KIF13B: variants seen among roughly 807,000 people sequenced by gnomAD.
KIF13B encodes kinesin family member 13B, also known as kinesin-like protein KIF13B.
A neutral mutation model predicts 222.0 loss-of-function variants in KIF13B; 127 were observed. That is an observed-to-expected ratio of 0.57 (90% CI 0.50 to 0.66). KIF13B has a LOEUF of 0.66. KIF13B is among the 30% of genes least tolerant of loss of function. The pLI, the probability that KIF13B is intolerant of heterozygous loss-of-function variation, is 0.00. For missense variants in KIF13B, 2,173 were observed against 2,379.0 expected (o/e 0.91, Z 1.80); for synonymous variants, 976 against 919.0 (o/e 1.06, Z -1.12).
At chr8:29,219,865 C>T (rs1362603951) in intron 2 of KIF13B, among the ~76,000 whole-genome samples, 1 of 152,156 alleles carries the variant, frequency 6.6e-6, no homozygotes, top group Non-Finnish European at 1.5e-5. Context: ...GAATTCAAGA[C>T]CAGCCTGGGG....
At chr8:29,134,774 T>C (rs1334764113) in intron 21 of KIF13B, among the ~76,000 whole-genome samples, 1 of 152,122 alleles carries the variant, frequency 6.6e-6, no homozygotes, top group Non-Finnish European at 1.5e-5. Context: ...GCACCAGAAA[T>C]GTATAATTTA....
At position 29,092,793 on chromosome 8, in the gene KIF13B, G is replaced by C. The variant is rs754749975; in HGVS notation, c.4410C>G (p.Pro1470=). 8.1e-5 allele frequency: 131 copies of C among 1,613,338 alleles called. No homozygotes were observed. The highest frequency in any genetic ancestry group is 4.9e-4 in the Middle Eastern group (3 of 6,084). ...QMPKLLKSLF[P]VRDEKRGKRP... Reference sequence around the variant, plus strand: ...GCTTGCCCCTCTTCTCATCGCGGACGGGAAAGAGAGACTTGAGGAGCTTTG... The same window carrying C: ...GCTTGCCCCTCTTCTCATCGCGGACCGGAAAGAGAGACTTGAGGAGCTTTG... Residue 1470 remains proline (P), a synonymous_variant, in exon 37 of 40, where the codon CCC becomes CCG. Transcript: ENST00000524189.
At chr8:29,217,267 G>A (rs956908063) in intron 2 of KIF13B, among the ~76,000 whole-genome samples, 3 of 152,196 alleles carry the variant, frequency 2.0e-5, no homozygotes, top group Non-Finnish European at 4.4e-5. Flanking sequence ...TTGGCCAACA[G>A]ACAGAAAGCC....
chr8:29,255,763 C>T (rs770022579), intron 1 of KIF13B, among the ~76,000 whole-genome samples: 1 of 152,150 alleles, frequency 6.6e-6, no homozygotes, highest in Non-Finnish European at 1.5e-5. Context: ...TGAACACTGA[C>T]CATCATAATG....
intron 36 of KIF13B, among the ~76,000 whole-genome samples, chr8:29,097,687 ACAACATAC>A (rs1203485268): frequency 1.3e-5 from 2 of 152,238 alleles, no homozygotes; most frequent in East Asian, 3.8e-4. Context: ...AAATGAAAGC[ACAACATAC>A]CAAAATATGT....
rs748870426 is a variant in KIF13B at position 29,070,675 on chromosome 8, G to A, written c.5310C>T (p.Ala1770=). 2 of 1,561,948 alleles carry A rather than the reference G, an allele frequency of 1.3e-6. No individual in the cohort carries two copies. The highest frequency in any genetic ancestry group is 2.3e-5 in the South Asian group (2 of 85,492). The change falls in exon 40 of 40, where the codon GCC becomes GCT. Residue 1770 remains alanine, a synonymous_variant. Transcript: ENST00000524189. The surrounding 1 kb of genome is among the most constrained non-coding windows in gnomAD (Gnocchi z 4.1). Reference sequence around the variant, plus strand: ...TGCTGCGCCGCCGCACAGGGCCCGTGGCCCTGCGGACCCGGCTGGGCCTGA... The same window carrying A: ...TGCTGCGCCGCCGCACAGGGCCCGTAGCCCTGCGGACCCGGCTGGGCCTGA... The part of the protein sequence containing the change: ...LLVRPSRVRR[A]TGPVRRRSTG...
rs1426206953 is a variant in KIF13B at position 29,160,850 on chromosome 8, A to G, written c.1287T>C (p.Leu429=). Residue 429 remains leucine, a synonymous_variant, in exon 13 of 40, where the codon CTT becomes CTC. Transcript: ENST00000524189. ...ACTGAAGAGATATTCCAAGACTCTC[A>G]AGCTGTTTCTGTCGTTCCTGTAAAT... ...EEIAQERQKQ[L]ESLGISLQSS... 1.2e-6 allele frequency: 2 copies of G among 1,613,478 alleles called. No individual in the cohort carries two copies. The highest frequency in any genetic ancestry group is 1.1e-5 in the South Asian group (1 of 91,010).
intron 2 of KIF13B, among the ~76,000 whole-genome samples, chr8:29,225,502 T>C (rs554738858): frequency 1.3e-5 from 2 of 152,160 alleles, no homozygotes; most frequent in South Asian, 2.1e-4. Flanking sequence ...CTGGCGAAGA[T>C]ACAGTGGAGG....
At chr8:29,178,492 C>T (rs1048339580) in intron 8 of KIF13B, among the ~76,000 whole-genome samples, 16 of 152,046 alleles carry the variant, frequency 1.1e-4, no homozygotes, top group Middle Eastern at 6.8e-3. Flanking sequence ...TAACATACTT[C>T]GTACTTCAAT....
rs1807312254 is a variant in KIF13B, at chr8:29,072,016, T to A, written c.4822A>T (p.Ser1608Cys). ...APEAEPEAPI[S>C]HPPPPTAVPA... ...ACGGCCGTGGGCGGTGGGGGGTGGC[T>A]GATGGGCGCCTCGGGCTCGGCCTCA... Residue 1608 changes from serine to cysteine, a missense_variant, in exon 39 of 40, where the codon AGC becomes TGC. By Grantham distance (112) the Ser-to-Cys change is moderately radical. This residue lies in a region of KIF13B where 693 missense variants were observed against 656.2 expected (regional missense o/e 1.06). Transcript: ENST00000524189. The A allele has an allele frequency of 2.3e-6, 3 of 1,291,566 alleles. No homozygotes were observed. Among genetic ancestry groups the A allele is most frequent in the South Asian group, 4.9e-5 (2 of 40,700 alleles). 80.0% of individuals were successfully genotyped at this position (1,291,566 alleles called of 1,614,324 possible). A position where few individuals can be genotyped will look rare whatever the true frequency, so the allele number is the denominator to read the frequency against.
chr8:29,101,875 C>T (rs756192085), intron 35 of KIF13B, among the ~76,000 whole-genome samples: 6 of 152,142 alleles, frequency 3.9e-5, no homozygotes, highest in Non-Finnish European at 7.4e-5. Flanking sequence ...CTGACGCCTA[C>T]GAATCTCTGC....
chr8:29,169,062 A>G (rs2130179416), intron 10 of KIF13B, among the ~76,000 whole-genome samples: 1 of 152,344 alleles, frequency 6.6e-6, no homozygotes, highest in South Asian at 2.1e-4. Flanking sequence ...CTAGAGCATA[A>G]GAAAGCTAAC....
intron 2 of KIF13B, among the ~76,000 whole-genome samples, chr8:29,227,941 A>G (rs750966114): frequency 5.9e-5 from 9 of 151,948 alleles, no homozygotes; most frequent in Non-Finnish European, 1.2e-4. Context: ...ATAGAGCAAG[A>G]CTTTAAAAAA....
At chr8:29,167,925 G>A (rs1245584791) in intron 10 of KIF13B, among the ~76,000 whole-genome samples, 1 of 152,100 alleles carries the variant, frequency 6.6e-6, no homozygotes, top group Non-Finnish European at 1.5e-5. Context: ...GAATAAAAAA[G>A]GACTCCTTAA....
intron 12 of KIF13B, 80 bp from the exon 13 acceptor site, chr8:29,160,947 C>T (rs1156588688): frequency 6.0e-6 from 7 of 1,163,182 alleles, no homozygotes; most frequent in Admixed American, 2.1e-5. Flanking sequence ...TACAATGTTA[C>T]AATTATTCAA....
intron 2 of KIF13B, among the ~76,000 whole-genome samples, chr8:29,198,005 AT>A (rs1813517778): frequency 6.6e-6 from 1 of 152,220 alleles, no homozygotes; most frequent in African/African-American, 2.4e-5. Flanking sequence ...TTTGCTTCCA[AT>A]TGTCTTCGAC....
chr8:29,246,100 C>T (rs951734642), intron 1 of KIF13B, among the ~76,000 whole-genome samples: 1 of 152,156 alleles, frequency 6.6e-6, no homozygotes, highest in African/African-American at 2.4e-5. Context: ...TATCACATGG[C>T]CGGGTGCGGT....
intron 37 of KIF13B, among the ~76,000 whole-genome samples, chr8:29,078,814 G>C (rs1159061135): frequency 1.3e-5 from 2 of 152,216 alleles, no homozygotes; most frequent in Non-Finnish European, 2.9e-5. Flanking sequence ...AAAGGACTAA[G>C]TTCTCAAGTG....
intron 37 of KIF13B, among the ~76,000 whole-genome samples, chr8:29,086,568 G>C (rs1427584382): frequency 6.6e-6 from 1 of 152,184 alleles, no homozygotes; most frequent in East Asian, 1.9e-4. Context: ...CATGACAGGT[G>C]GGAAATGGGA....
Sources: allele counts gnomAD v4.1 joint callset (sites outside exome capture counted in the v4.1 genomes callset), GRCh38; gene constraint gnomAD v4.1.1; regional missense constraint gnomAD v4.1.1; non-coding constraint Gnocchi (gnomAD v3.1); transcripts MANE v1.5; gene names NCBI Gene and HGNC (gene_info 2026-07-23, HGNC 2026-07-21).